MIOX: variants seen among roughly 807,000 people sequenced by gnomAD.
The protein encoded by MIOX is myo-inositol oxygenase, also known as inositol oxygenase.
MIOX carries 51 observed loss-of-function variants against 42.7 expected under a neutral mutation model. That is an observed-to-expected ratio of 1.19 (90% CI 0.95 to 1.51). MIOX has a LOEUF of 1.51. MIOX is among the 40% of genes most tolerant of loss of function. The pLI is 0.00. For synonymous variants in MIOX, 168 were observed against 154.4 expected, an observed-to-expected ratio of 1.09 and a Z score of -0.65; for missense variants, 395 against 381.3, an observed-to-expected ratio of 1.04 and a Z score of -0.30.
Position 50,487,650 on chromosome 22 carries a change from T to G in MIOX, c.97-12T>G. 6.2e-7 allele frequency: 1 copy of G among 1,611,012 alleles called. No individual in the cohort carries two copies. The highest frequency in any genetic ancestry group is 1.1e-5 in the South Asian group (1 of 90,698). Reference sequence around the variant, plus strand: ...AGGGTGGGGGTGGCGCCACTGACCCTCCGGCCTGCAGTCAGGTCCCCTCCT... The same window carrying G: ...AGGGTGGGGGTGGCGCCACTGACCCGCCGGCCTGCAGTCAGGTCCCCTCCT... On this transcript the variant is annotated splice_polypyrimidine_tract_variant and intron_variant, in intron 2 of 9. Transcript: ENST00000216075.
chr22:50,487,971 A>G lies in MIOX; in HGVS notation c.263A>G (p.Asp88Gly). 1 of 1,613,926 alleles carries G rather than the reference A, an allele frequency of 6.2e-7. No homozygotes were observed. Among genetic ancestry groups the G allele is most frequent in the Non-Finnish European group, 8.5e-7 (1 of 1,179,910 alleles). Reference protein sequence around the residue: ...DLLDGLVDESDPDVDFPNSFH... With the variant: ...DLLDGLVDESGPDVDFPNSFH... ...CTGGATGGGCTGGTGGATGAGTCGG[A>G]CCCGGACGTAGATTTCCCCAACTCC... Residue 88 changes from aspartate to glycine, a missense_variant, in exon 4 of 10, where the codon GAC (aspartate) becomes GGC (glycine). Asp to Gly is a moderately conservative substitution (Grantham distance 94). Coordinates refer to ENST00000216075, the MANE Select transcript of MIOX (RefSeq NM_017584.6).
intron 3 of MIOX, 53 bp downstream of exon 3, chr22:50,487,795 C>T (rs2068290944): frequency 6.2e-7 from 1 of 1,610,954 alleles, no homozygotes; most frequent in South Asian, 1.1e-5. Context: ...TGCCCTCAGC[C>T]CCATGAGCCC....
At chr22:50,488,387 A>G in intron 5 of MIOX, 45 bp downstream of exon 5, 1 of 1,505,636 alleles carries the variant, frequency 6.6e-7, no homozygotes, top group South Asian at 1.2e-5. Flanking sequence ...TGTTGAGGCA[A>G]GGTGGGGGTG....
chr22:50,489,357 G>A (rs376329279), intron 7 of MIOX, 40 bp from the exon 8 acceptor site: 2 of 1,504,438 alleles, frequency 1.3e-6, no homozygotes, highest in Non-Finnish European at 1.8e-6. Flanking sequence ...GGGGCGGTGG[G>A]GCAGAGGCAG....
chr22:50,487,803 C>G, intron 3 of MIOX, 61 bp downstream of exon 3: 1 of 1,610,336 alleles, frequency 6.2e-7, no homozygotes, highest in Non-Finnish European at 8.5e-7. Context: ...GCCCCATGAG[C>G]CCACCAGGCG....
In MIOX at chr22:50,489,076, C is replaced by T. The variant is rs144424314; in HGVS notation, c.445C>T (p.Arg149Cys). 1.9e-5 allele frequency: 31 copies of T among 1,612,202 alleles called. No homozygotes were observed. Among genetic ancestry groups the T allele is most frequent in the Middle Eastern group, 3.3e-4 (2 of 6,060 alleles). Residue 149 changes from arginine to cysteine, a missense_variant, in exon 6 of 10, where the codon CGT becomes TGT. Arg to Cys is a radical substitution (Grantham distance 180). Coordinates refer to ENST00000216075, the MANE Select transcript of MIOX (RefSeq NM_017584.6). ...VVGDTFPVGC[R>C]PQASVVFCDS... Reference sequence around the variant, plus strand: ...CGGCGACACCTTCCCCGTCGGATGCCGTCCGCAGGCCTCCGTGGTTTTCTG... The same window carrying T: ...CGGCGACACCTTCCCCGTCGGATGCTGTCCGCAGGCCTCCGTGGTTTTCTG...
At chr22:50,486,989 C>T (rs1379184840) in intron 1 of MIOX, 77 bp downstream of exon 1, 1 of 1,572,170 alleles carries the variant, frequency 6.4e-7, no homozygotes, top group Non-Finnish European at 8.7e-7. Flanking sequence ...CCTCTTCTAG[C>T]TGGCACTGGC....
At chr22:50,487,210 G>A (rs760204039) in intron 1 of MIOX, among the ~76,000 whole-genome samples, 175 bp from the exon 2 acceptor site, 3 of 152,140 alleles carry the variant, frequency 2.0e-5, no homozygotes, top group African/African-American at 7.2e-5. Flanking sequence ...CCTGGGACTC[G>A]CTGAGGCCAG....
chr22:50,488,282 C>G lies in MIOX; in HGVS notation c.348C>G (p.Phe116Leu). ...IRKAHPDKDWFHLVGLLHDLG... is the reference protein window; with the variant it reads ...IRKAHPDKDWLHLVGLLHDLG... ...TGTCCATCCCCCTCCCAGACTGGTT[C>G]CACCTCGTCGGGCTCCTGCACGACC... Residue 116 changes from phenylalanine to leucine, a missense_variant, in exon 5 of 10, where the codon TTC (phenylalanine) becomes TTG (leucine). Coordinates refer to ENST00000216075, the MANE Select transcript of MIOX (RefSeq NM_017584.6). The G allele has an allele frequency of 6.2e-7, 1 of 1,613,310 alleles. No individual in the cohort carries two copies. The highest frequency in any genetic ancestry group is 8.5e-7 in the Non-Finnish European group (1 of 1,179,622).
At position 50,489,147 on chromosome 22, in the gene MIOX, C is replaced by A; in HGVS notation, c.516C>A (p.Tyr172Ter). 6.2e-7 allele frequency: 1 copy of A among 1,613,186 alleles called. No individual in the cohort carries two copies. Among genetic ancestry groups the A allele is most frequent in the South Asian group, 1.1e-5 (1 of 91,062 alleles). Residue 172 changes from tyrosine to a stop codon, truncating the protein, a stop_gained and splice_region_variant, in exon 6 of 10, where the codon TAC becomes TAA. Coordinates refer to ENST00000216075, the MANE Select transcript of MIOX (RefSeq NM_017584.6). LOFTEE classifies it high-confidence loss of function. ...QDNPDLQDPR[Y>*]STELGMYQPH... is the part of the protein sequence containing the mutation. ...ACCCTGACCTCCAGGATCCTCGATACAGGTGCTCCCTGCTGCTGAGGGCTG... is the reference window on the plus strand; with the variant it reads ...ACCCTGACCTCCAGGATCCTCGATAAAGGTGCTCCCTGCTGCTGAGGGCTG...
rs3747272 is a variant in MIOX at position 50,487,479 on chromosome 22, C to T, written c.96+14C>T. The T allele has an allele frequency of 2.3e-3, 3,681 of 1,609,024 alleles. 57 individuals carry two copies. The South Asian group carries it at 0.025, about 11-fold the overall frequency. ...CGGAACTACACGGTGAGTACCTTGC[C>T]GTCCTGCCCCCCTTCTCCCCCATCC... On this transcript the variant is annotated intron_variant, in intron 2 of 9. Transcript: ENST00000216075.
chr22:50,489,428 G>C lies in MIOX; in HGVS notation c.618G>C (p.Lys206Asn). The change falls in exon 8 of 10, where the codon AAG becomes AAC. Residue 206 changes from lysine (K) to asparagine (N), a missense_variant. By Grantham distance (94) the Lys-to-Asn change is moderately conservative. Transcript: ENST00000216075. Reference protein sequence around the residue: ...EYMYQVMKFNKFSLPPEAFYM... With the variant: ...EYMYQVMKFNNFSLPPEAFYM... ...TGTACCAGGTGATGAAGTTTAACAA[G>C]TTCTCACTGCCCCCTGAGGTAGGTG... 1 of 1,604,156 alleles carries C rather than the reference G, an allele frequency of 6.2e-7. No individual in the cohort carries two copies.
At chr22:50,489,727 C>T (rs774991659) in intron 9 of MIOX, 21 bp from the exon 10 acceptor site, 3 of 1,610,064 alleles carry the variant, frequency 1.9e-6, no homozygotes, top group East Asian at 2.2e-5. Flanking sequence ...TCACGGGGCT[C>T]ACCGCCCCTC....
Position 50,487,995 on chromosome 22 carries a change from C to T in MIOX, c.287C>T (p.Ser96Phe), listed in dbSNP as rs1208378409. The change falls in exon 4 of 10, where the codon TCC (serine) becomes TTC (phenylalanine). Residue 96 changes from serine to phenylalanine, a missense_variant. Coordinates refer to ENST00000216075, the MANE Select transcript of MIOX (RefSeq NM_017584.6). ...GACCCGGACGTAGATTTCCCCAACT[C>T]CTTCCATGCCTTCCAGACAGCGGAG... ...ESDPDVDFPN[S>F]FHAFQTAEGI... The T allele has an allele frequency of 9.3e-6, 15 of 1,613,870 alleles. No homozygotes were observed. The African/African-American group carries it at 1.9e-4, about 20-fold the overall frequency.
intron 5 of MIOX, 94 bp downstream of exon 5, chr22:50,488,436 G>A (rs926742192): frequency 9.2e-7 from 1 of 1,085,398 alleles, no homozygotes; most frequent in African/African-American, 1.6e-5. Context: ...CTACCTGGGG[G>A]ACAGGCCAGT....
At position 50,489,281 on chromosome 22, in the gene MIOX, C is replaced by T. The variant is rs1466695174; in HGVS notation, c.572C>T (p.Ser191Phe). Residue 191 changes from serine to phenylalanine, a missense_variant, in exon 7 of 10, where the codon TCC becomes TTC. Physicochemically the swap from Ser to Phe is radical, Grantham distance 155. Coordinates refer to ENST00000216075, the MANE Select transcript of MIOX (RefSeq NM_017584.6). The stretch of plus-strand genomic sequence containing the variant: ...TGTGGGCTCGACAGGGTCCTCATGT[C>T]CTGGGGCCATGATGGTGAGGCCAGA... ...PHCGLDRVLM[S>F]WGHDEYMYQV... is the part of the protein sequence containing the mutation. The T allele has an allele frequency of 6.5e-7, 1 of 1,538,722 alleles. No homozygotes were observed. The highest frequency in any genetic ancestry group is 8.8e-7 in the Non-Finnish European group (1 of 1,142,856).
rs756301529 is a variant in MIOX at position 50,489,133 on chromosome 22, C to T, written c.502C>T (p.Gln168Ter). 10 of 1,613,248 alleles carry T rather than the reference C, an allele frequency of 6.2e-6. No homozygotes were observed. The East Asian group carries it at 2.0e-4, about 32-fold the overall frequency. ...DSTFQDNPDL[Q>*]DPRYSTELGM... ...CACCTTCCAGGACAACCCTGACCTC[C>T]AGGATCCTCGATACAGGTGCTCCCT... The change falls in exon 6 of 10, where the codon CAG (glutamine) becomes TAG (stop). Residue 168 changes from glutamine to a stop codon, truncating the protein, a stop_gained. Coordinates refer to ENST00000216075, the MANE Select transcript of MIOX (RefSeq NM_017584.6). LOFTEE classifies it high-confidence loss of function.
At chr22:50,488,096 C>G in intron 4 of MIOX, 48 bp downstream of exon 4, 1 of 1,608,524 alleles carries the variant, frequency 6.2e-7, no homozygotes. Context: ...CTCCAAGGGG[C>G]AGAATGCAGC....
In MIOX at chr22:50,487,932, A is replaced by T; in HGVS notation, c.224A>T (p.Glu75Val). Residue 75 changes from glutamate to valine, a missense_variant, in exon 4 of 10, where the codon GAG becomes GTG. Transcript: ENST00000216075. ...GFSYKKMTVM[E>V]AVDLLDGLVD... is the part of the protein sequence containing the mutation. ...TCCTACAAGAAAATGACAGTCATGG[A>T]GGCCGTGGACCTGCTGGATGGGCTG... is the stretch of plus-strand genomic sequence containing the variant. The T allele has an allele frequency of 3.7e-6, 6 of 1,613,998 alleles. No individual in the cohort carries two copies. Among genetic ancestry groups the T allele is most frequent in the Non-Finnish European group, 5.1e-6 (6 of 1,179,922 alleles).
Sources: allele counts gnomAD v4.1 joint callset (sites outside exome capture counted in the v4.1 genomes callset), GRCh38; gene constraint gnomAD v4.1.1; transcripts MANE v1.5; gene names NCBI Gene and HGNC (gene_info 2026-07-23, HGNC 2026-07-21).